Variants in PXDNL observed in about 807,000 individuals in gnomAD.
The protein encoded by PXDNL is probable oxidoreductase PXDNL.
A neutral mutation model predicts 150.8 loss-of-function variants in PXDNL; 145 were observed. The ratio of observed to expected loss-of-function variants is 0.96; its 90% CI spans 0.84 to 1.10. The LOEUF is 1.10. PXDNL is among the 50% of genes least tolerant of loss of function. PXDNL has a pLI of 0.00. For missense variants in PXDNL, 2,087 were observed against 1,873.9 expected (o/e 1.11, Z -2.10); for synonymous variants, 757 against 725.7 (o/e 1.04, Z -0.69).
At chr8:51,607,563 G>C (rs868807101) in intron 2 of PXDNL, among the ~76,000 whole-genome samples, 4 of 151,996 alleles carry the variant, frequency 2.6e-5, no homozygotes, top group African/African-American at 9.7e-5. Context: ...GAGAGGGGCC[G>C]GGCACAGTGG....
At chr8:51,504,175 T>C (rs986153088) in intron 4 of PXDNL, among the ~76,000 whole-genome samples, 3 of 152,312 alleles carry the variant, frequency 2.0e-5, no homozygotes, top group African/African-American at 7.2e-5. Flanking sequence ...GAGCAAACTA[T>C]ACCCTCGGTT....
intron 1 of PXDNL, among the ~76,000 whole-genome samples, chr8:51,802,889 A>G (rs2037635585): frequency 6.6e-6 from 1 of 152,338 alleles, no homozygotes; most frequent in African/African-American, 2.4e-5. Flanking sequence ...ATAAACATTT[A>G]CATAACTTAA....
chr8:51,640,708 T>C (rs1002117393), intron 2 of PXDNL, among the ~76,000 whole-genome samples: 2 of 152,106 alleles, frequency 1.3e-5, no homozygotes, highest in Non-Finnish European at 2.9e-5. Context: ...TTAAAGAGGA[T>C]ACAAAGAAAC....
At chr8:51,486,845 G>C (rs1171404925) in intron 5 of PXDNL, among the ~76,000 whole-genome samples, 1 of 117,634 alleles carries the variant, frequency 8.5e-6, no homozygotes, top group Non-Finnish European at 1.6e-5. Context: ...ACTCTTGCCA[G>C]GCTGCAGTGC....
At chr8:51,384,350 T>A in intron 17 of PXDNL, among the ~76,000 whole-genome samples, 1 of 151,164 alleles carries the variant, frequency 6.6e-6, no homozygotes, top group Non-Finnish European at 1.5e-5. Context: ...ATCTTATGGT[T>A]ACCAGCACTG....
At chr8:51,360,362 C>T (rs1045176682) in intron 19 of PXDNL, among the ~76,000 whole-genome samples, 16 of 152,198 alleles carry the variant, frequency 1.1e-4, no homozygotes, top group African/African-American at 3.9e-4. Context: ...CCTATACATA[C>T]AATACCTATT....
intron 1 of PXDNL, among the ~76,000 whole-genome samples, chr8:51,678,506 G>A (rs1815675425): frequency 6.6e-6 from 1 of 151,618 alleles, no homozygotes; most frequent in Admixed American, 6.6e-5. Context: ...AGAAAATGTG[G>A]CACATATACA....
chr8:51,667,240 C>T (rs1815404001), intron 1 of PXDNL, among the ~76,000 whole-genome samples: 1 of 152,156 alleles, frequency 6.6e-6, no homozygotes, highest in Non-Finnish European at 1.5e-5. Flanking sequence ...TCTGTAAGTG[C>T]CCCGACAGCC....
intron 2 of PXDNL, among the ~76,000 whole-genome samples, chr8:51,608,633 C>G (rs538336239): frequency 9.4e-5 from 14 of 148,436 alleles, no homozygotes; most frequent in Non-Finnish European, 1.3e-4. Flanking sequence ...GTCAGGAGAT[C>G]CAGACCATCC....
intron 12 of PXDNL, among the ~76,000 whole-genome samples, chr8:51,442,511 T>A (rs1809574871): frequency 1.3e-5 from 2 of 152,020 alleles, no homozygotes; most frequent in African/African-American, 4.8e-5. Context: ...GTAGACCTAT[T>A]TTATCATGTT....
intron 4 of PXDNL, among the ~76,000 whole-genome samples, chr8:51,550,203 C>A (rs1205098527): frequency 1.3e-5 from 2 of 151,878 alleles, no homozygotes; most frequent in Admixed American, 6.6e-5. Flanking sequence ...TTGCCAACAA[C>A]AACAACAAAA....
intron 3 of PXDNL, among the ~76,000 whole-genome samples, chr8:51,559,993 C>A (rs11990396): frequency 0.024 from 3,672 of 151,708 alleles, 158 homozygotes; most frequent in African/African-American, 0.084. Context: ...AATACAAAAC[C>A]TAGAAATAGA....
intron 1 of PXDNL, among the ~76,000 whole-genome samples, chr8:51,781,904 GGCT>G (rs1162705890): frequency 6.6e-6 from 1 of 152,218 alleles, no homozygotes; most frequent in Non-Finnish European, 1.5e-5. Flanking sequence ...CTTTGGCCAA[GGCT>G]GCTCCTGCCC....
chr8:51,559,334 C>T lies in PXDNL; in HGVS notation c.309-2423G>A, dbSNP rs1295497997. On this transcript the variant is annotated intron_variant, in intron 3 of 22. Transcript: ENST00000356297. Reference sequence around the variant, plus strand: ...GCTTATTTTTGTTTCTTCCAAACCCCCCCCCCCCCCGCCACCTTCTTTCCT... The same window carrying T: ...GCTTATTTTTGTTTCTTCCAAACCCTCCCCCCCCCCGCCACCTTCTTTCCT... Among the ~76,000 whole-genome samples, 34 of 65,254 alleles carry T rather than the reference C, an allele frequency of 5.2e-4. 2 individuals are homozygous for T. The highest frequency in any genetic ancestry group is 1.1e-3 in the Admixed American group (7 of 6,238). The allele number at this position is 65,254 out of a possible 152,430, so 42.8% of individuals were successfully genotyped here. A position where few individuals can be genotyped will look rare whatever the true frequency, so the allele number is the denominator to read the frequency against.
intron 3 of PXDNL, among the ~76,000 whole-genome samples, chr8:51,571,023 T>G (rs73588736): frequency 0.022 from 3,326 of 151,856 alleles, 105 homozygotes; most frequent in African/African-American, 0.076. Flanking sequence ...ATTCACTAAT[T>G]TCCAAAGATC....
At chr8:51,726,583 C>T (rs1816821395) in intron 1 of PXDNL, among the ~76,000 whole-genome samples, 1 of 152,138 alleles carries the variant, frequency 6.6e-6, no homozygotes, top group Admixed American at 6.6e-5. Context: ...TATTCTTTGC[C>T]GTTCACCTGA....
intron 1 of PXDNL, among the ~76,000 whole-genome samples, chr8:51,675,250 G>A (rs1003361187): frequency 6.6e-6 from 1 of 152,174 alleles, no homozygotes; most frequent in Non-Finnish European, 1.5e-5. Context: ...TTTAAGACAT[G>A]ATTAGGCCAC....
At chr8:51,363,471 G>A (rs1811360) in intron 19 of PXDNL, among the ~76,000 whole-genome samples, 108,062 of 151,994 alleles carry the variant, frequency 0.71, 41,126 homozygotes, top group East Asian at 0.94. Context: ...GGGGTTCCAC[G>A]TGAGAGGGTA....
chr8:51,641,148 C>G (rs1020712503), intron 2 of PXDNL, among the ~76,000 whole-genome samples: 1 of 150,678 alleles, frequency 6.6e-6, no homozygotes, highest in African/African-American at 2.4e-5. Flanking sequence ...AACTGGCTAG[C>G]CATATGTAGA....
Sources: gnomAD v4.1 joint callset for allele counts (sites outside exome capture counted in the v4.1 genomes callset) on GRCh38, gnomAD v4.1.1 for gene constraint, MANE v1.5 for transcripts, NCBI Gene and HGNC (gene_info 2026-07-23, HGNC 2026-07-21) for gene names.